ZNF385D: variants seen among roughly 807,000 people sequenced by gnomAD.
The protein encoded by ZNF385D is zinc finger protein 659.
In ZNF385D, 15 loss-of-function variants were observed where a neutral mutation model predicts 35.8. The ratio of observed to expected loss-of-function variants is 0.42; its 90% CI spans 0.28 to 0.64. The LOEUF (loss-of-function observed/expected upper bound fraction) is 0.64, where lower values mean the gene tolerates loss of function less well. Among genes scored for constraint, ZNF385D ranks in the 30% least tolerant of loss-of-function variants. ZNF385D has a pLI of 0.23. For missense variants in ZNF385D, 474 were observed against 494.6 expected (o/e 0.96, Z 0.39); for synonymous variants, 212 against 186.8 (o/e 1.13, Z -1.10).
intron 3 of ZNF385D, among the ~76,000 whole-genome samples, chr3:22,029,768 T>G (rs1236385266): frequency 6.6e-6 from 1 of 152,120 alleles, no homozygotes; most frequent in Non-Finnish European, 1.5e-5. Flanking sequence ...GTATGAAGGG[T>G]AGTTGTATTA....
chr3:21,860,528 T>G (rs1363406303), intron 3 of ZNF385D, among the ~76,000 whole-genome samples: 1 of 152,044 alleles, frequency 6.6e-6, no homozygotes, highest in East Asian at 1.9e-4. Flanking sequence ...AGTACAGATA[T>G]CCCCACATCA....
intron 3 of ZNF385D, among the ~76,000 whole-genome samples, chr3:21,997,045 GT>G (rs34209856): frequency 0.11 from 16,132 of 150,790 alleles, 1,142 homozygotes; most frequent in South Asian, 0.25. Context: ...CAAAGGAACA[GT>G]TTTAAAAAAA....
chr3:22,279,296 A>G (rs1701595728), intron 2 of ZNF385D, among the ~76,000 whole-genome samples: 4 of 151,830 alleles, frequency 2.6e-5, no homozygotes, highest in Admixed American at 2.0e-4. Flanking sequence ...AGTGAATTGC[A>G]TCATTCTTAT....
At chr3:22,224,275 G>C (rs895896832) in intron 2 of ZNF385D, among the ~76,000 whole-genome samples, 2 of 152,144 alleles carry the variant, frequency 1.3e-5, no homozygotes, top group African/African-American at 4.8e-5. Flanking sequence ...CTACTTATTT[G>C]TATTTTTAAT....
At chr3:21,975,593 G>A (rs866672562) in intron 3 of ZNF385D, among the ~76,000 whole-genome samples, 1 of 151,658 alleles carries the variant, frequency 6.6e-6, no homozygotes, top group South Asian at 2.1e-4. Context: ...TGAGGGAATG[G>A]ATACCCCATT....
chr3:22,114,151 A>C (rs1005417248), intron 3 of ZNF385D, among the ~76,000 whole-genome samples: 2 of 152,130 alleles, frequency 1.3e-5, no homozygotes, highest in Admixed American at 1.3e-4. Context: ...AACTTCATCT[A>C]AATGTCAAAT....
intron 2 of ZNF385D, among the ~76,000 whole-genome samples, chr3:22,225,454 A>C (rs1334272382): frequency 6.6e-6 from 1 of 152,112 alleles, no homozygotes; most frequent in Non-Finnish European, 1.5e-5. Context: ...TTCCCCACTG[A>C]AAGCAGCTTT....
chr3:22,277,320 C>G (rs539572993), intron 2 of ZNF385D, among the ~76,000 whole-genome samples: 1 of 151,972 alleles, frequency 6.6e-6, no homozygotes, highest in African/African-American at 2.4e-5. Context: ...GAGGCTGAAC[C>G]TAAAAGAATC....
intron 3 of ZNF385D, among the ~76,000 whole-genome samples, chr3:21,555,965 G>A (rs1453344894): frequency 1.3e-5 from 2 of 151,706 alleles, no homozygotes; most frequent in Non-Finnish European, 2.9e-5. Flanking sequence ...AGTGACCAGT[G>A]ATGATGAGCT....
At chr3:21,756,135 A>G (rs1366230064), upstream of ZNF385D, among the ~76,000 whole-genome samples, 1 of 152,180 alleles carries the variant, frequency 6.6e-6, no homozygotes, top group Non-Finnish European at 1.5e-5. Context: ...GCGAGCAAGG[A>G]CAGATGTAAG....
chr3:21,862,099 G>C (rs373879924), intron 3 of ZNF385D, among the ~76,000 whole-genome samples: 1 of 152,064 alleles, frequency 6.6e-6, no homozygotes, highest in African/African-American at 2.4e-5. Context: ...AAAAAAAGTA[G>C]AGTAGGTAGT....
rs1451009098 is a variant in ZNF385D at position 21,625,580 on chromosome 3, A to G, written c.165+39306T>C. 2.6e-5 allele frequency among the ~76,000 whole-genome samples: 4 copies of G among 152,102 alleles called. No homozygotes were observed. The East Asian group carries it at 7.7e-4, about 29-fold the overall frequency. On this transcript the variant is annotated intron_variant, in intron 2 of 7. Transcript: ENST00000281523. ...GTTCCTTGCTTACATTAGAAGAAAGAGTCTTAATTTGACCATAACTTTAGT... is the reference window on the plus strand; with the variant it reads ...GTTCCTTGCTTACATTAGAAGAAAGGGTCTTAATTTGACCATAACTTTAGT...
At chr3:21,851,157 A>G (rs939588154) in intron 3 of ZNF385D, among the ~76,000 whole-genome samples, 8 of 152,126 alleles carry the variant, frequency 5.3e-5, no homozygotes, top group African/African-American at 1.9e-4. Context: ...AAAAAGAACC[A>G]AATAAAAACT....
At chr3:21,702,959 C>A (rs560127654) in intron 1 of ZNF385D, among the ~76,000 whole-genome samples, 47 of 152,304 alleles carry the variant, frequency 3.1e-4, no homozygotes, top group South Asian at 1.9e-3. Context: ...AACTTTCCTA[C>A]TTTTCTATAT....
chr3:21,602,517 C>CTTTTGTTTTTTTTTTT (rs2064333885), intron 2 of ZNF385D, among the ~76,000 whole-genome samples: 1 of 62,710 alleles, frequency 1.6e-5, no homozygotes, highest in African/African-American at 7.6e-5. Flanking sequence ...CCTGCATTTT[C>CTTTTGTTTTTTTTTTT]TTTTTTTTTT....
chr3:21,455,679 G>A (rs1702761477), intron 4 of ZNF385D, among the ~76,000 whole-genome samples: 1 of 152,136 alleles, frequency 6.6e-6, no homozygotes, highest in African/African-American at 2.4e-5. Flanking sequence ...GGCATGGGGG[G>A]CAAGGACTTC....
intron 3 of ZNF385D, among the ~76,000 whole-genome samples, chr3:21,554,193 G>A (rs2125607861): frequency 6.6e-6 from 1 of 152,238 alleles, no homozygotes; most frequent in South Asian, 2.1e-4. Context: ...AATAATAAGA[G>A]TGGGAAGTCA....
At chr3:21,592,069 CAT>C (rs528794766) in intron 2 of ZNF385D, among the ~76,000 whole-genome samples, 74 of 152,232 alleles carry the variant, frequency 4.9e-4, no homozygotes, top group African/African-American at 1.3e-3. Flanking sequence ...GAGATAATAA[CAT>C]GTGACATATA....
At chr3:21,595,697 A>G (rs770942309) in intron 2 of ZNF385D, among the ~76,000 whole-genome samples, 6 of 151,892 alleles carry the variant, frequency 4.0e-5, no homozygotes, top group African/African-American at 9.7e-5. Flanking sequence ...AGCACTTACT[A>G]TCATGGAATA....
Sources: gnomAD v4.1 joint callset for allele counts (sites outside exome capture counted in the v4.1 genomes callset) on GRCh38, gnomAD v4.1.1 for gene constraint, MANE v1.5 for transcripts, NCBI Gene and HGNC (gene_info 2026-07-23, HGNC 2026-07-21) for gene names.